Variants in KCNK13 observed in about 807,000 individuals in gnomAD.
KCNK13 encodes the protein potassium two pore domain channel subfamily K member 13.
In KCNK13, 12 loss-of-function variants were observed where a neutral mutation model predicts 23.4. That is an observed-to-expected ratio of 0.51 (90% CI 0.33 to 0.83). The LOEUF (loss-of-function observed/expected upper bound fraction) is 0.83. Ranked by LOEUF, KCNK13 falls within the 40% of genes least tolerant of loss-of-function variation. The pLI, the probability that KCNK13 is intolerant of heterozygous loss-of-function variation, is 0.02. For missense variants in KCNK13, 463 were observed against 556.3 expected, an observed-to-expected ratio of 0.83 and a Z score of 1.69; for synonymous variants, 231 against 229.5, an observed-to-expected ratio of 1.01 and a Z score of -0.06.
At chr14:90,094,030 T>A (rs1889379440) in intron 1 of KCNK13, among the ~76,000 whole-genome samples, 1 of 152,116 alleles carries the variant, frequency 6.6e-6, no homozygotes, top group Non-Finnish European at 1.5e-5. Context: ...CTGCTTGAGC[T>A]TTCACTCCAT....
intron 1 of KCNK13, among the ~76,000 whole-genome samples, chr14:90,099,335 C>T (rs1889448341): frequency 6.6e-6 from 1 of 152,146 alleles, no homozygotes; most frequent in African/African-American, 2.4e-5. Flanking sequence ...GGCTGTCAGA[C>T]ATGGAACTCT....
intron 1 of KCNK13, among the ~76,000 whole-genome samples, chr14:90,165,369 C>T (rs996452876): frequency 1.3e-5 from 2 of 152,188 alleles, no homozygotes; most frequent in Non-Finnish European, 2.9e-5. Flanking sequence ...CACCAACGGC[C>T]ACCTCTCCAG....
chr14:90,121,643 A>G (rs1889740103), intron 1 of KCNK13, among the ~76,000 whole-genome samples: 1 of 152,084 alleles, frequency 6.6e-6, no homozygotes, highest in Non-Finnish European at 1.5e-5. Context: ...GAGGGAAATC[A>G]CTCATCGCCC....
intron 1 of KCNK13, among the ~76,000 whole-genome samples, chr14:90,093,574 C>T (rs1515413): frequency 0.15 from 22,884 of 152,040 alleles, 2,110 homozygotes; most frequent in East Asian, 0.27. Flanking sequence ...TCCTCCCCAG[C>T]GTGCCCAGCC....
At chr14:90,138,884 G>C (rs1283694037) in intron 1 of KCNK13, among the ~76,000 whole-genome samples, 1 of 152,158 alleles carries the variant, frequency 6.6e-6, no homozygotes, top group Non-Finnish European at 1.5e-5. Context: ...TTAATTTTCT[G>C]TTATATGGCC....
At chr14:90,146,347 G>T (rs4904635) in intron 1 of KCNK13, among the ~76,000 whole-genome samples, 6 of 151,956 alleles carry the variant, frequency 3.9e-5, no homozygotes, top group Non-Finnish European at 8.8e-5. Context: ...GGGCAATCTC[G>T]CTCTGTCACC....
At chr14:90,100,266 A>G (rs2140405846) in intron 1 of KCNK13, among the ~76,000 whole-genome samples, 1 of 152,294 alleles carries the variant, frequency 6.6e-6, no homozygotes, top group African/African-American at 2.4e-5. Context: ...CCATGTTTCC[A>G]CCCAAGAAAC....
At chr14:90,138,306 C>T (rs1479795899) in intron 1 of KCNK13, among the ~76,000 whole-genome samples, 2 of 152,180 alleles carry the variant, frequency 1.3e-5, no homozygotes. Context: ...GGAGTTTTAT[C>T]TCTATCCATA....
intron 1 of KCNK13, among the ~76,000 whole-genome samples, chr14:90,083,059 T>C (rs1431144289): frequency 6.6e-6 from 1 of 152,246 alleles, no homozygotes; most frequent in South Asian, 2.1e-4. Context: ...TTGTATACTA[T>C]CTTAAAAGAA....
chr14:90,151,866 T>C (rs1035137941), intron 1 of KCNK13, among the ~76,000 whole-genome samples: 3 of 152,222 alleles, frequency 2.0e-5, no homozygotes, highest in African/African-American at 7.2e-5. Context: ...TAACATCATT[T>C]ATTGAAGAGA....
intron 1 of KCNK13, among the ~76,000 whole-genome samples, chr14:90,129,516 G>A (rs1457954082): frequency 6.6e-6 from 1 of 152,220 alleles, no homozygotes; most frequent in Admixed American, 6.5e-5. Flanking sequence ...TGAAGCTGCT[G>A]CTCCAGACTC....
chr14:90,095,815 G>A (rs938756018), intron 1 of KCNK13, among the ~76,000 whole-genome samples: 19 of 152,042 alleles, frequency 1.2e-4, no homozygotes, highest in African/African-American at 4.3e-4. Flanking sequence ...ACAGGTCGAG[G>A]GCTCAGTCCC....
intron 1 of KCNK13, among the ~76,000 whole-genome samples, chr14:90,175,936 C>G (rs1318253125): frequency 6.6e-6 from 1 of 152,072 alleles, no homozygotes; most frequent in East Asian, 1.9e-4. Flanking sequence ...TCTAGGGGAT[C>G]CAGAGAGAGG....
At chr14:90,169,226 T>C (rs1303666636) in intron 1 of KCNK13, among the ~76,000 whole-genome samples, 2 of 152,216 alleles carry the variant, frequency 1.3e-5, no homozygotes, top group African/African-American at 4.8e-5. Context: ...TGGCAGAAGT[T>C]TTTATGAAGT....
intron 1 of KCNK13, among the ~76,000 whole-genome samples, chr14:90,066,853 T>G (rs369207699): frequency 6.6e-6 from 1 of 152,170 alleles, no homozygotes; most frequent in East Asian, 1.9e-4. Context: ...AAACAGATAT[T>G]TGTACGCCAG....
intron 1 of KCNK13, among the ~76,000 whole-genome samples, chr14:90,139,949 G>A (rs1483695226): frequency 2.0e-5 from 3 of 152,290 alleles, no homozygotes; most frequent in East Asian, 3.9e-4. Flanking sequence ...GTGACAGAGC[G>A]AGAGTACGTC....
chr14:90,171,709 T>C (rs1326878947), intron 1 of KCNK13, among the ~76,000 whole-genome samples: 2 of 152,074 alleles, frequency 1.3e-5, no homozygotes, highest in African/African-American at 4.8e-5. Context: ...GAGAGACAAA[T>C]GGTTACATTC....
chr14:90,117,602 T>A (rs750999859), intron 1 of KCNK13, among the ~76,000 whole-genome samples: 41 of 151,684 alleles, frequency 2.7e-4, no homozygotes, highest in Non-Finnish European at 5.4e-4. Context: ...AAAAAAAAAA[T>A]TAGGAATTGT....
At chr14:90,176,731 A>G (rs1596811946) in intron 1 of KCNK13, among the ~76,000 whole-genome samples, 1 of 152,148 alleles carries the variant, frequency 6.6e-6, no homozygotes. Context: ...GTTTAAAAAT[A>G]ATGAAAGAGG....
Sources: gnomAD v4.1 joint callset for allele counts (sites outside exome capture counted in the v4.1 genomes callset) on GRCh38, gnomAD v4.1.1 for gene constraint, MANE v1.5 for transcripts, NCBI Gene and HGNC (gene_info 2026-07-23, HGNC 2026-07-21) for gene names.